The following CTNNA3 variants were observed in gnomAD, a reference collection of about 807,000 sequenced individuals.
The protein encoded by CTNNA3 is catenin alpha 3.
CTNNA3 carries 76 observed loss-of-function variants against 95.7 expected under a neutral mutation model. The observed-to-expected ratio is 0.79, with a 90% CI of 0.66 to 0.96. The LOEUF (loss-of-function observed/expected upper bound fraction) is 0.96, where lower values mean the gene tolerates loss of function less well. Among genes scored for constraint, CTNNA3 ranks in the 40% least tolerant of loss-of-function variants. The pLI, the probability that CTNNA3 is intolerant of heterozygous loss-of-function variation, is 0.00. For missense variants in CTNNA3, 1,191 were observed against 1,089.8 expected (o/e 1.09, Z -1.31); for synonymous variants, 431 against 374.4 (o/e 1.15, Z -1.74).
chr10:66,692,748 A>T (rs1479980908), intron 9 of CTNNA3, among the ~76,000 whole-genome samples: 1 of 152,196 alleles, frequency 6.6e-6, no homozygotes, highest in Non-Finnish European at 1.5e-5. Context: ...AGACCATCAG[A>T]CTAACAGCAG....
chr10:67,160,121 G>A (rs777353700), intron 7 of CTNNA3, among the ~76,000 whole-genome samples: 2 of 152,076 alleles, frequency 1.3e-5, no homozygotes, highest in Non-Finnish European at 2.9e-5. Flanking sequence ...ATGAAAAAAT[G>A]TGCAACATCA....
At chr10:66,091,639 T>C (rs992858130) in intron 14 of CTNNA3, among the ~76,000 whole-genome samples, 1 of 151,814 alleles carries the variant, frequency 6.6e-6, no homozygotes, top group Non-Finnish European at 1.5e-5. Flanking sequence ...GGTAATGTTA[T>C]GGAAAAAAGT....
At chr10:67,128,033 G>T (rs1859805856) in intron 7 of CTNNA3, among the ~76,000 whole-genome samples, 2 of 152,002 alleles carry the variant, frequency 1.3e-5, no homozygotes, top group South Asian at 4.2e-4. Context: ...AATAGCTCAA[G>T]GTCAAAACTC....
intron 10 of CTNNA3, among the ~76,000 whole-genome samples, chr10:66,572,009 A>AT (rs1193710280): frequency 5.3e-5 from 8 of 152,058 alleles, no homozygotes; most frequent in Non-Finnish European, 1.0e-4. Flanking sequence ...CACTATACAT[A>AT]TTTGCCTCCA....
chr10:66,138,222 A>G (rs996582090), intron 13 of CTNNA3, among the ~76,000 whole-genome samples: 2 of 152,144 alleles, frequency 1.3e-5, no homozygotes, highest in African/African-American at 4.8e-5. Context: ...TGAATCCAGA[A>G]CAATTATTTT....
At chr10:66,497,569 A>G (rs2131954620) in intron 11 of CTNNA3, among the ~76,000 whole-genome samples, 1 of 152,136 alleles carries the variant, frequency 6.6e-6, no homozygotes, top group South Asian at 2.1e-4. Context: ...ACTGTAGTGG[A>G]AAGGATAGGA....
At chr10:67,394,897 TC>T (rs1262557720) in intron 5 of CTNNA3, among the ~76,000 whole-genome samples, 2 of 152,030 alleles carry the variant, frequency 1.3e-5, no homozygotes, top group Non-Finnish European at 2.9e-5. Flanking sequence ...AATCAAAAAT[TC>T]TATAAAATTT....
At chr10:66,618,840 C>A (rs536082503) in intron 10 of CTNNA3, among the ~76,000 whole-genome samples, 52 of 152,192 alleles carry the variant, frequency 3.4e-4, no homozygotes, top group African/African-American at 1.2e-3. Context: ...CCAGAATCTA[C>A]AATGAACTCA....
chr10:67,679,896 G>A (rs552007647), intron 1 of CTNNA3, among the ~76,000 whole-genome samples: 5 of 152,208 alleles, frequency 3.3e-5, no homozygotes, highest in East Asian at 3.9e-4. Flanking sequence ...CTGAACATAC[G>A]AACAAAGATG....
intron 9 of CTNNA3, among the ~76,000 whole-genome samples, chr10:66,670,979 T>A (rs944440409): frequency 6.6e-6 from 1 of 152,260 alleles, no homozygotes; most frequent in African/African-American, 2.4e-5. Context: ...GAAGTTTCCA[T>A]TAAGAATGCT....
chr10:67,215,744 G>C (rs1441795499), intron 6 of CTNNA3, among the ~76,000 whole-genome samples: 1 of 152,124 alleles, frequency 6.6e-6, no homozygotes, highest in Non-Finnish European at 1.5e-5. Flanking sequence ...CAACAAGGTG[G>C]TCAAATTTTA....
intron 7 of CTNNA3, among the ~76,000 whole-genome samples, chr10:66,974,683 C>T (rs559760820): frequency 6.6e-6 from 1 of 152,150 alleles, no homozygotes; most frequent in African/African-American, 2.4e-5. Context: ...TAATATGTGA[C>T]TTTTTGTTTT....
chr10:66,028,615 G>A (rs1192047766), intron 15 of CTNNA3, among the ~76,000 whole-genome samples: 1 of 151,794 alleles, frequency 6.6e-6, no homozygotes. Context: ...GAAGGGGGGA[G>A]GGATAGCATT....
At chr10:66,547,593 C>G (rs560566005) in intron 10 of CTNNA3, among the ~76,000 whole-genome samples, 12 of 151,772 alleles carry the variant, frequency 7.9e-5, no homozygotes, top group Non-Finnish European at 1.8e-4. Context: ...CCACCCTCCT[C>G]GGCCTCCCAA....
At chr10:67,632,784 C>T (rs1466030040) in intron 2 of CTNNA3, among the ~76,000 whole-genome samples, 1 of 152,072 alleles carries the variant, frequency 6.6e-6, no homozygotes, top group African/African-American at 2.4e-5. Context: ...ACACAGAGAC[C>T]CAGGAGTTTT....
intron 5 of CTNNA3, among the ~76,000 whole-genome samples, chr10:67,377,224 C>CGG (rs1184103536): frequency 6.6e-6 from 1 of 152,132 alleles, no homozygotes; most frequent in Non-Finnish European, 1.5e-5. Flanking sequence ...GATTTAACCT[C>CGG]TGAGATTGCT....
At chr10:67,637,114 GA>G (rs1325458471) in intron 2 of CTNNA3, among the ~76,000 whole-genome samples, 73 of 152,216 alleles carry the variant, frequency 4.8e-4, no homozygotes, top group Non-Finnish European at 2.8e-4. Flanking sequence ...TAAAAACCTT[GA>G]AAAAAGATTA....
At chr10:66,900,913 GAA>G (rs1365747221) in intron 7 of CTNNA3, among the ~76,000 whole-genome samples, 3 of 152,212 alleles carry the variant, frequency 2.0e-5, no homozygotes, top group Non-Finnish European at 4.4e-5. Flanking sequence ...TGGTGTACCT[GAA>G]AGTGACACGG....
chr10:66,614,772 G>A lies in CTNNA3; in HGVS notation c.1374+6920C>T, dbSNP rs568498255. On this transcript the variant is annotated intron_variant, in intron 10 of 17. Transcript: ENST00000433211. ...ACTACATAGTGACTCAAACTAGACCGTGATTGGAAAACTTGACTTATTTTA... is the reference window on the plus strand; with the variant it reads ...ACTACATAGTGACTCAAACTAGACCATGATTGGAAAACTTGACTTATTTTA... Among the ~76,000 whole-genome samples the A allele has an allele frequency of 1.9e-4, 29 of 152,044 alleles. No individual in the cohort carries two copies. The South Asian group carries it at 2.9e-3, about 15-fold the overall frequency.
Sources: gnomAD v4.1 joint callset for allele counts (sites outside exome capture counted in the v4.1 genomes callset) on GRCh38, gnomAD v4.1.1 for gene constraint, MANE v1.5 for transcripts, NCBI Gene and HGNC (gene_info 2026-07-23, HGNC 2026-07-21) for gene names.